Variants in AFDN observed in about 807,000 individuals in gnomAD.
AFDN encodes the protein afadin, adherens junction formation factor.
Under a neutral mutation model 216.6 loss-of-function variants are expected in AFDN, and 68 were observed. That is an observed-to-expected ratio of 0.31 (90% confidence interval 0.26 to 0.38). The LOEUF is 0.38. AFDN is among the 10% of genes least tolerant of loss of function. AFDN has a pLI of 1.00. For synonymous variants in AFDN, 868 were observed against 853.7 expected, an observed-to-expected ratio of 1.02 and a Z score of -0.29; for missense variants, 2,136 against 2,342.0, an observed-to-expected ratio of 0.91 and a Z score of 1.82.
intron 32 of AFDN, chr6:167,968,693 G>A (rs1040339102): frequency 5.6e-6 from 1 of 179,622 alleles, no homozygotes; most frequent in Non-Finnish European, 1.2e-5. Flanking sequence ...GATACACTTA[G>A]TGACATTATT....
At chr6:167,835,629 A>G (rs1179338859) in intron 1 of AFDN, among the ~76,000 whole-genome samples, 2 of 152,250 alleles carry the variant, frequency 1.3e-5, no homozygotes, top group East Asian at 1.9e-4. Context: ...GTAGTAAAAA[A>G]TACGTTTTGT....
At chr6:167,848,471 A>T (rs934027605) in intron 1 of AFDN, among the ~76,000 whole-genome samples, 4 of 152,206 alleles carry the variant, frequency 2.6e-5, no homozygotes, top group Non-Finnish European at 5.9e-5. Flanking sequence ...TGTTGTCCGT[A>T]TTCTATCTCT....
intron 8 of AFDN, among the ~76,000 whole-genome samples, chr6:167,892,905 G>T (rs1430499494): frequency 1.3e-5 from 2 of 152,122 alleles, no homozygotes; most frequent in Non-Finnish European, 2.9e-5. Flanking sequence ...TTAATACACT[G>T]CATCCCTCAT....
intron 13 of AFDN, among the ~76,000 whole-genome samples, chr6:167,910,279 C>T (rs2128450105): frequency 6.6e-6 from 1 of 152,294 alleles, no homozygotes; most frequent in East Asian, 1.9e-4. Context: ...AGAGTAGTTT[C>T]ACAAAACAGC....
At chr6:167,964,181 G>A (rs1797307272) in intron 31 of AFDN, 2 of 1,063,766 alleles carry the variant, frequency 1.9e-6, no homozygotes, top group Non-Finnish European at 2.3e-6. Flanking sequence ...AGTGGTCACT[G>A]TAAAAAGGCG....
At chr6:167,950,928 C>T (rs939968601) in intron 29 of AFDN, among the ~76,000 whole-genome samples, 5 of 150,622 alleles carry the variant, frequency 3.3e-5, no homozygotes, top group Admixed American at 2.0e-4. Flanking sequence ...AACTCCTGGG[C>T]TCAAGCAGTC....
At chr6:167,869,368 G>A (rs1784548331) in intron 2 of AFDN, among the ~76,000 whole-genome samples, 1 of 152,126 alleles carries the variant, frequency 6.6e-6, no homozygotes, top group African/African-American at 2.4e-5. Flanking sequence ...CTAAAATTCT[G>A]CCAAATTGTA....
chr6:167,863,540 G>T (rs1425628694), intron 1 of AFDN, among the ~76,000 whole-genome samples: 1 of 152,230 alleles, frequency 6.6e-6, no homozygotes, highest in African/African-American at 2.4e-5. Context: ...TGGATTCTGG[G>T]TGTATTTTGA....
At chr6:167,831,802 A>G (rs1779859396) in intron 1 of AFDN, among the ~76,000 whole-genome samples, 1 of 152,242 alleles carries the variant, frequency 6.6e-6, no homozygotes, top group Admixed American at 6.5e-5. Flanking sequence ...TGTAGTGTAT[A>G]AAGCATTATT....
At chr6:167,899,857 T>C (rs1302742425) in intron 11 of AFDN, among the ~76,000 whole-genome samples, 1 of 152,260 alleles carries the variant, frequency 6.6e-6, no homozygotes, top group Admixed American at 6.5e-5. Flanking sequence ...TTACTCCTAG[T>C]GTTACTGTCC....
chr6:167,837,335 A>G (rs1369818624), intron 1 of AFDN, among the ~76,000 whole-genome samples: 1 of 151,826 alleles, frequency 6.6e-6, no homozygotes, highest in East Asian at 1.9e-4. Context: ...AATGAAGGTA[A>G]CAAATTACCT....
rs1413533965 is a variant in AFDN at position 167,864,724 on chromosome 6, C to G, written c.279C>G (p.Leu93=). 2 of 1,614,130 alleles carry G rather than the reference C, an allele frequency of 1.2e-6. No individual in the cohort carries two copies. Among genetic ancestry groups the G allele is most frequent in the Admixed American group, 3.3e-5 (2 of 60,032 alleles). Residue 93 remains leucine, a synonymous_variant, in exon 2 of 34, where the codon CTC becomes CTG. Transcript: ENST00000683244. ...MRMLSSPKYS[L]YEVHVSGERR... ...TGCTGTCCTCTCCCAAGTATTCACT[C>G]TATGAAGTGCATGTCAGCGGAGGTC... is the stretch of plus-strand genomic sequence containing the variant.
intron 23 of AFDN, among the ~76,000 whole-genome samples, chr6:167,928,616 G>A (rs1252959616): frequency 6.6e-6 from 1 of 152,228 alleles, no homozygotes; most frequent in Non-Finnish European, 1.5e-5. Flanking sequence ...TCAGGCACGG[G>A]TGCAGAGCCC....
Position 167,970,061 on chromosome 6 carries a change from T to C in AFDN, c.*126T>C. On this transcript the variant is annotated 3_prime_UTR_variant, in exon 34 of 34. Coordinates refer to ENST00000683244, the MANE Select transcript of AFDN (RefSeq NM_001386888.1). ...CTAAGTGATTTACAATTTCTGTTTCTAAAATTGTTGGGATTTAGAAATGTT... is the reference window on the plus strand; with the variant it reads ...CTAAGTGATTTACAATTTCTGTTTCCAAAATTGTTGGGATTTAGAAATGTT... 1.3e-6 allele frequency: 1 copy of C among 780,396 alleles called. No homozygotes were observed. Among genetic ancestry groups the C allele is most frequent in the Admixed American group, 3.8e-5 (1 of 26,268 alleles). The allele number at this position is 780,396 out of a possible 1,614,324, so 48.3% of individuals were successfully genotyped here.
At position 167,969,947 on chromosome 6, in the gene AFDN, GAGA is replaced by G; in HGVS notation, c.*14_*16del. ...TGAACACAAAGTGAAAGAAAATGAG[GAGA>G]ACACTTTGTATTTACCCCAAAATCT... On this transcript the variant is annotated 3_prime_UTR_variant, in exon 34 of 34. Transcript: ENST00000683244. The G allele has an allele frequency of 1.9e-6, 3 of 1,597,944 alleles. 1 individual carries two copies. In the South Asian group the frequency reaches 3.5e-5, roughly 18 times the overall value.
intron 23 of AFDN, among the ~76,000 whole-genome samples, chr6:167,942,460 AC>A: frequency 6.6e-6 from 1 of 152,202 alleles, no homozygotes; most frequent in Non-Finnish European, 1.5e-5. Context: ...GCAATAAATT[AC>A]CCAAAATTTT....
At chr6:167,926,852 T>C (rs957667383) in intron 23 of AFDN, among the ~76,000 whole-genome samples, 1 of 152,222 alleles carries the variant, frequency 6.6e-6, no homozygotes, top group African/African-American at 2.4e-5. Flanking sequence ...TAGCATCTTC[T>C]TTGTAGCTAT....
Position 167,911,237 on chromosome 6 carries a change from TTTTA to T in AFDN, c.1832-44_1832-41del, listed in dbSNP as rs762659931. ...TACTCCATCTGATTTTCACATTCGT[TTTTA>T]TTCTTTTTTCCTTTTTTCTTTGTTT... is the stretch of plus-strand genomic sequence containing the variant. On this transcript the variant is annotated intron_variant, in intron 14 of 33. Coordinates refer to ENST00000683244, the MANE Select transcript of AFDN (RefSeq NM_001386888.1). The T allele has an allele frequency of 3.8e-6, 6 of 1,599,604 alleles. No individual in the cohort carries two copies. In the Admixed American group the frequency reaches 1.0e-4, roughly 27 times the overall value.
At position 167,858,023 on chromosome 6, in the gene AFDN, T is replaced by C. The variant is rs536617031; in HGVS notation, c.106-6528T>C. Among the ~76,000 whole-genome samples the C allele has an allele frequency of 1.4e-4, 21 of 152,360 alleles. No homozygotes were observed. In the South Asian group the frequency reaches 4.3e-3, roughly 32 times the overall value. ...TCATGAGGGTTTAAAATGTTTTTAA[T>C]TGATTATCTTTCAAATTTCCAGTGT... is the stretch of plus-strand genomic sequence containing the variant. On this transcript the variant is annotated intron_variant, in intron 1 of 33. Transcript: ENST00000683244.
Sources: allele counts gnomAD v4.1 joint callset (sites outside exome capture counted in the v4.1 genomes callset), GRCh38; gene constraint gnomAD v4.1.1; transcripts MANE v1.5; gene names NCBI Gene and HGNC (gene_info 2026-07-23, HGNC 2026-07-21).